Variants in ELAVL3 observed in about 807,000 individuals in gnomAD.
ELAVL3 encodes the protein ELAV-like protein 3.
Under a neutral mutation model 34.2 loss-of-function variants are expected in ELAVL3, and 8 were observed. The observed-to-expected ratio is 0.23, with a 90% CI of 0.14 to 0.42. ELAVL3 has a LOEUF of 0.42. ELAVL3 is among the 10% of genes least tolerant of loss of function. ELAVL3 has a pLI of 1.00. For synonymous variants in ELAVL3, 209 were observed against 222.1 expected (o/e 0.94, Z 0.53); for missense variants, 273 against 518.8 (o/e 0.53, Z 4.60).
intron 1 of ELAVL3, among the ~76,000 whole-genome samples, chr19:11,472,928 G>T (rs1460919675): frequency 3.3e-5 from 5 of 151,808 alleles, no homozygotes; most frequent in Admixed American, 3.3e-4. Context: ...TTAGCCAGGT[G>T]GGGTGGTGGG....
chr19:11,455,545 C>T (rs1970750796), intron 6 of ELAVL3, among the ~76,000 whole-genome samples: 1 of 152,130 alleles, frequency 6.6e-6, no homozygotes, highest in Admixed American at 6.5e-5. Context: ...CTTCGACCTC[C>T]CAAAGTGCTG....
In ELAVL3 at chr19:11,464,167, A is replaced by ATAT. The variant is rs1319720810; in HGVS notation, c.333+2004_333+2005insATA. Among the ~76,000 whole-genome samples, 932 of 103,758 alleles carry ATAT rather than the reference A, an allele frequency of 9.0e-3. 16 individuals carry two copies. Among genetic ancestry groups the ATAT allele is most frequent in the African/African-American group, 0.027 (622 of 23,066 alleles). 68.1% of individuals were successfully genotyped at this position (103,758 alleles called of 152,430 possible). ...TCTCTCTCTCTATATATATATATAT[A>ATAT]TTTTTTTTTTTTTTAGACAGGGTCT... On this transcript the variant is annotated intron_variant, in intron 3 of 6. Coordinates refer to ENST00000359227, the MANE Select transcript of ELAVL3 (RefSeq NM_001420.4).
chr19:11,478,960 TC>T (rs1286759716), intron 1 of ELAVL3, among the ~76,000 whole-genome samples: 1 of 152,028 alleles, frequency 6.6e-6, no homozygotes, highest in African/African-American at 2.4e-5. Context: ...CAATGCAGGG[TC>T]CTCCTGGTCT....
chr19:11,464,123 G>GTCTCTCTCTCTCTGTCTCTCTCTCTCTC (rs1970951848), intron 3 of ELAVL3, among the ~76,000 whole-genome samples: 1 of 110,952 alleles, frequency 9.0e-6, no homozygotes, highest in African/African-American at 4.0e-5. Flanking sequence ...GTCTCTCTCT[G>GTCTCTCTCTCTCTGTCTCTCTCTCTCTC]TCTCTCTCTC....
chr19:11,457,925 C>A (rs1970803554), intron 5 of ELAVL3, 136 bp downstream of exon 5: 15 of 888,030 alleles, frequency 1.7e-5, no homozygotes, highest in South Asian at 4.9e-5. Flanking sequence ...GGCCTTGGCA[C>A]CTGACAGATA....
chr19:11,478,163 T>C (rs1447360489), intron 1 of ELAVL3, among the ~76,000 whole-genome samples: 1 of 152,124 alleles, frequency 6.6e-6, no homozygotes, highest in Non-Finnish European at 1.5e-5. Flanking sequence ...TGTCAACATC[T>C]GACTCCTGAT....
chr19:11,458,759 G>T lies in ELAVL3; in HGVS notation c.334-148C>A, dbSNP rs376296717. ...ATCTCTAGAGTTGTCACCGTGGGGT[G>T]GGGCTGAGTCAGATATGGGAGAGGG... On this transcript the variant is annotated intron_variant, in intron 3 of 6. Transcript: ENST00000359227. This position sits in a 1 kb window ranked among gnomAD's most constrained non-coding sequence, Gnocchi z 7.3. 25 of 1,091,070 alleles carry T rather than the reference G, an allele frequency of 2.3e-5. 1 individual carries two copies. The African/African-American group carries it at 3.9e-4, about 17-fold the overall frequency. 67.6% of individuals were successfully genotyped at this position (1,091,070 alleles called of 1,614,324 possible).
Position 11,480,655 on chromosome 19 carries a change from G to A in ELAVL3, c.-47C>T. The A allele has an allele frequency of 7.1e-7, 1 of 1,408,742 alleles. No individual in the cohort carries two copies. The highest frequency in any genetic ancestry group is 9.3e-7 in the Non-Finnish European group (1 of 1,073,730). The allele number at this position is 1,408,742 out of a possible 1,614,324, so 87.3% of individuals were successfully genotyped here. A position where few individuals can be genotyped will look rare whatever the true frequency, so the allele number is the denominator to read the frequency against. On this transcript the variant is annotated 5_prime_UTR_variant, in exon 1 of 7. Transcript: ENST00000359227. This position sits in a 1 kb window ranked among gnomAD's most constrained non-coding sequence, Gnocchi z 6.8. ...GGTCCGTGTTGAGGGGGGCTCCGGG[G>A]GTGGTGCACTCCTAGGGGGGCGCCC...
intron 1 of ELAVL3, among the ~76,000 whole-genome samples, chr19:11,471,374 G>A (rs536649911): frequency 6.1e-4 from 93 of 151,800 alleles, no homozygotes; most frequent in African/African-American, 2.2e-3. Context: ...CAGCACTTTG[G>A]GAGGCCGAGG....
At chr19:11,465,275 A>ACCACACACACACACAC (rs1971022229) in intron 3 of ELAVL3, among the ~76,000 whole-genome samples, 1 of 107,254 alleles carries the variant, frequency 9.3e-6, no homozygotes, top group African/African-American at 5.7e-5. Context: ...TACACCACAC[A>ACCACACACACACACAC]CATACACACA....
intron 3 of ELAVL3, among the ~76,000 whole-genome samples, chr19:11,461,507 C>T (rs1164474242): frequency 1.6e-5 from 2 of 122,378 alleles, no homozygotes; most frequent in East Asian, 5.6e-4. Flanking sequence ...TTCCTTCCTT[C>T]TTTCCTTCCA....
At position 11,454,874 on chromosome 19, in the gene ELAVL3, G is replaced by C; in HGVS notation, c.756C>G (p.Pro252=). The C allele has an allele frequency of 1.3e-6, 2 of 1,596,088 alleles. No homozygotes were observed. The highest frequency in any genetic ancestry group is 1.7e-6 in the Non-Finnish European group (2 of 1,175,352). Residue 252 remains proline (P), a synonymous_variant, in exon 7 of 7, where the codon CCC becomes CCG. Coordinates refer to ENST00000359227, the MANE Select transcript of ELAVL3 (RefSeq NM_001420.4). This position sits in a 1 kb window ranked among gnomAD's most constrained non-coding sequence, Gnocchi z 9.2. ...LLNMAYGVKS[P]LSLIARFSPI... ...GCGAGAACCTGGCGATGAGCGACAG[G>C]GGACTACTTTGGGGGTCACGCGGGC...
chr19:11,453,194 G>C lies in ELAVL3; in HGVS notation c.*1332C>G, dbSNP rs981464148. The C allele has an allele frequency of 7.2e-6, 1 of 139,248 alleles. No individual in the cohort carries two copies. Among genetic ancestry groups the C allele is most frequent in the Non-Finnish European group, 1.7e-5 (1 of 60,494 alleles). 8.6% of individuals were successfully genotyped at this position (139,248 alleles called of 1,614,324 possible). A position where few individuals can be genotyped will look rare whatever the true frequency, so the allele number is the denominator to read the frequency against. On this transcript the variant is annotated 3_prime_UTR_variant, in exon 7 of 7. Coordinates refer to ENST00000359227, the MANE Select transcript of ELAVL3 (RefSeq NM_001420.4). The stretch of plus-strand genomic sequence containing the variant: ...GTGTCCTTTGGCCTCAAGTGTTGTG[G>C]GGGGGGGGGCTGCCTCCAGCCCACC...
chr19:11,466,463 T>G lies in ELAVL3; in HGVS notation c.229+145A>C. On this transcript the variant is annotated intron_variant, in intron 2 of 6. Transcript: ENST00000359227. The surrounding 1 kb of genome is among the most constrained non-coding windows in gnomAD (Gnocchi z 5.0). The stretch of plus-strand genomic sequence containing the variant: ...GACCTTCACCTAGGGGGTATACCCA[T>G]CTCCCCATCAGACCTCACATCCCTA... The G allele has an allele frequency of 9.7e-7, 1 of 1,033,740 alleles. No individual in the cohort carries two copies. The highest frequency in any genetic ancestry group is 1.4e-6 in the Non-Finnish European group (1 of 692,014). The allele number at this position is 1,033,740 out of a possible 1,614,324, so 64.0% of individuals were successfully genotyped here.
chr19:11,469,647 G>A (rs191219360), intron 1 of ELAVL3, among the ~76,000 whole-genome samples: 1 of 152,340 alleles, frequency 6.6e-6, no homozygotes, highest in East Asian at 1.9e-4. Flanking sequence ...GCATATTGCA[G>A]TTTTGTTTAT....
Position 11,480,766 on chromosome 19 carries a change from CAGGGA to C in ELAVL3, c.-163_-159del. Reference sequence around the variant, plus strand: ...TGAAGGCGGCGGCTCCCTCGAGGGCCAGGGACGGGCCCGAACCCGGGGATGCGCGC... The same window carrying C: ...TGAAGGCGGCGGCTCCCTCGAGGGCCCGGGCCCGAACCCGGGGATGCGCGC... On this transcript the variant is annotated 5_prime_UTR_variant, in exon 1 of 7. Coordinates refer to ENST00000359227, the MANE Select transcript of ELAVL3 (RefSeq NM_001420.4). The surrounding 1 kb of genome is among the most constrained non-coding windows in gnomAD (Gnocchi z 6.8). The C allele has an allele frequency of 3.2e-6, 2 of 631,100 alleles. No individual in the cohort carries two copies. Among genetic ancestry groups the C allele is most frequent in the Non-Finnish European group, 4.7e-6 (2 of 428,324 alleles). 39.1% of individuals were successfully genotyped at this position (631,100 alleles called of 1,614,324 possible). A position where few individuals can be genotyped will look rare whatever the true frequency, so the allele number is the denominator to read the frequency against.
At chr19:11,470,787 A>T (rs1473838292) in intron 1 of ELAVL3, among the ~76,000 whole-genome samples, 1 of 152,218 alleles carries the variant, frequency 6.6e-6, no homozygotes, top group Non-Finnish European at 1.5e-5. Context: ...CACATAGCCT[A>T]TCTGCTCTGG....
In ELAVL3 at chr19:11,480,297, G is replaced by A. The variant is rs895893548; in HGVS notation, c.9+303C>T. The stretch of plus-strand genomic sequence containing the variant: ...CTGGATGGAGGAAGCATCCTTAGCC[G>A]CCGCGGCCCCTCCCCCATCAGGCCT... On this transcript the variant is annotated intron_variant, in intron 1 of 6. Transcript: ENST00000359227. The surrounding 1 kb of genome is among the most constrained non-coding windows in gnomAD (Gnocchi z 6.8). The A allele has an allele frequency of 5.6e-6, 2 of 360,170 alleles. No individual in the cohort carries two copies. The highest frequency in any genetic ancestry group is 1.0e-5 in the Non-Finnish European group (2 of 200,816). 22.3% of individuals were successfully genotyped at this position (360,170 alleles called of 1,614,324 possible). A position where few individuals can be genotyped will look rare whatever the true frequency, so the allele number is the denominator to read the frequency against.
rs1298497037 is a variant in ELAVL3, at chr19:11,464,103, C to CTCTCTCTCTG, written c.333+2059_333+2068dup. Among the ~76,000 whole-genome samples, 1,384 of 143,272 alleles carry CTCTCTCTCTG rather than the reference C, an allele frequency of 9.7e-3. 50 individuals carry two copies. The highest frequency in any genetic ancestry group is 0.037 in the African/African-American group (1,313 of 35,616). 94.0% of individuals were successfully genotyped at this position (143,272 alleles called of 152,430 possible). On this transcript the variant is annotated intron_variant, in intron 3 of 6. Transcript: ENST00000359227. ...TCTCTCCCTCCCTCTCTCTCCCTCT[C>CTCTCTCTCTG]TCTCTCTCTGTCTCTCTCTGTCTCT...
Sources: allele counts gnomAD v4.1 joint callset (sites outside exome capture counted in the v4.1 genomes callset), GRCh38; gene constraint gnomAD v4.1.1; non-coding constraint Gnocchi (gnomAD v3.1); transcripts MANE v1.5; gene names NCBI Gene and HGNC (gene_info 2026-07-23, HGNC 2026-07-21).